The following DNM3 variants were observed in gnomAD, a reference collection of about 807,000 sequenced individuals.
DNM3 encodes dynamin 3.
In DNM3, 47 loss-of-function variants were observed where a neutral mutation model predicts 101.6. That is an observed-to-expected ratio of 0.46 (90% confidence interval 0.37 to 0.59). The LOEUF (loss-of-function observed/expected upper bound fraction) is 0.59. DNM3 is among the 20% of genes least tolerant of loss of function. DNM3 has a pLI of 0.00. For synonymous variants in DNM3, 385 were observed against 387.9 expected (o/e 0.99, Z 0.09); for missense variants, 849 against 1,085.7 (o/e 0.78, Z 3.06).
At chr1:172,351,284 G>A (rs1472204681) in intron 17 of DNM3, among the ~76,000 whole-genome samples, 3 of 152,096 alleles carry the variant, frequency 2.0e-5, no homozygotes, top group Non-Finnish European at 4.4e-5. Context: ...AGAAATTTTT[G>A]TGTTCCAGAG....
At chr1:171,978,825 G>T (rs997618126) in intron 2 of DNM3, among the ~76,000 whole-genome samples, 2 of 152,106 alleles carry the variant, frequency 1.3e-5, no homozygotes, top group African/African-American at 2.4e-5. Context: ...GAGAGCTGAG[G>T]AAAGGAAGCT....
At position 172,391,088 on chromosome 1, in the gene DNM3, G is replaced by A. The variant is rs1380105893; in HGVS notation, c.2522+2279G>A. On this transcript the variant is annotated intron_variant, in intron 20 of 20. Transcript: ENST00000627582. ...AATGAGTAGCCCGAGCTGGATGGCC[G>A]GCACATGGGCAGCAGGGCTTAATGA... Among the ~76,000 whole-genome samples, 4 of 152,158 alleles carry A rather than the reference G, an allele frequency of 2.6e-5. No homozygotes were observed. In the South Asian group the frequency reaches 6.2e-4, roughly 24 times the overall value.
At chr1:172,394,348 A>G (rs1052256) in intron 20 of DNM3, 19,183 of 152,286 alleles carry the variant, frequency 0.13, 1,553 homozygotes, top group Non-Finnish European at 0.18. Flanking sequence ...GCGTCAAGGT[A>G]GCCTTCAGAT....
chr1:171,930,926 A>G (rs901796981), intron 2 of DNM3, among the ~76,000 whole-genome samples: 5 of 152,218 alleles, frequency 3.3e-5, no homozygotes, highest in South Asian at 2.1e-4. Flanking sequence ...AAAATAATTC[A>G]GTTTATAATA....
At chr1:172,077,702 A>AT (rs2052778465) in intron 11 of DNM3, among the ~76,000 whole-genome samples, 1 of 152,048 alleles carries the variant, frequency 6.6e-6, no homozygotes, top group African/African-American at 2.4e-5. Context: ...GTTCTTTTGC[A>AT]TTTGCTGAGG....
At chr1:172,092,989 G>T (rs77415483) in intron 13 of DNM3, 114 bp downstream of exon 13, 17,259 of 950,022 alleles carry the variant, frequency 0.018, 735 homozygotes, top group East Asian at 0.14. Context: ...TGCTTGAAAT[G>T]CAGCTTTCAT....
intron 2 of DNM3, among the ~76,000 whole-genome samples, chr1:171,972,947 TG>T (rs2044119526): frequency 6.6e-6 from 1 of 152,190 alleles, no homozygotes; most frequent in Non-Finnish European, 1.5e-5. Flanking sequence ...CTCAATACCC[TG>T]AAGTTATTTG....
chr1:172,122,054 A>G (rs2056354896), intron 13 of DNM3, among the ~76,000 whole-genome samples: 1 of 152,300 alleles, frequency 6.6e-6, no homozygotes, highest in East Asian at 1.9e-4. Flanking sequence ...TGCTGTGTTC[A>G]TTATACATTA....
At chr1:171,957,081 T>C (rs2042909215) in intron 2 of DNM3, among the ~76,000 whole-genome samples, 1 of 152,210 alleles carries the variant, frequency 6.6e-6, no homozygotes, top group African/African-American at 2.4e-5. Flanking sequence ...AAATGCCCTG[T>C]AGGCATTTCC....
intron 20 of DNM3, chr1:172,418,148 T>A: frequency 3.1e-6 from 2 of 635,982 alleles, no homozygotes; most frequent in Non-Finnish European, 4.7e-6. Flanking sequence ...GTGTGTGATT[T>A]GAATTTGACT....
chr1:172,328,706 G>A (rs983039279), intron 17 of DNM3, among the ~76,000 whole-genome samples: 9 of 152,214 alleles, frequency 5.9e-5, no homozygotes, highest in African/African-American at 2.2e-4. Flanking sequence ...TATTACCTGG[G>A]TGATGAAATA....
At chr1:172,146,905 T>C (rs755509637) in intron 14 of DNM3, among the ~76,000 whole-genome samples, 2 of 152,150 alleles carry the variant, frequency 1.3e-5, no homozygotes, top group Non-Finnish European at 2.9e-5. Context: ...TGCCCTCAAA[T>C]GGTTCTACTA....
At chr1:171,865,921 T>C (rs2034700557) in intron 1 of DNM3, among the ~76,000 whole-genome samples, 1 of 152,212 alleles carries the variant, frequency 6.6e-6, no homozygotes, top group Non-Finnish European at 1.5e-5. Flanking sequence ...TAAATACTCA[T>C]ACTTTTACTA....
At chr1:172,254,684 G>C (rs1235417004) in intron 15 of DNM3, among the ~76,000 whole-genome samples, 1 of 152,034 alleles carries the variant, frequency 6.6e-6, no homozygotes, top group Non-Finnish European at 1.5e-5. Flanking sequence ...TGCTGTTCAT[G>C]TGCAGTATCA....
chr1:172,294,288 A>T lies in DNM3; in HGVS notation c.1770-14440A>T, dbSNP rs2064054351. 2.0e-5 allele frequency among the ~76,000 whole-genome samples: 3 copies of T among 152,240 alleles called. No homozygotes were observed. In the South Asian group the frequency reaches 6.2e-4, roughly 32 times the overall value. On this transcript the variant is annotated intron_variant, in intron 15 of 20. Coordinates refer to ENST00000627582, the MANE Select transcript of DNM3 (RefSeq NM_015569.5). Reference sequence around the variant, plus strand: ...CTGCTTGTTTTGGTTTATCCTTTTAAACTTGAATATCTTAGGTTTTCTATA... The same window carrying T: ...CTGCTTGTTTTGGTTTATCCTTTTATACTTGAATATCTTAGGTTTTCTATA...
intron 14 of DNM3, among the ~76,000 whole-genome samples, chr1:172,188,326 G>A (rs2059591406): frequency 6.6e-6 from 1 of 151,994 alleles, no homozygotes; most frequent in Admixed American, 6.6e-5. Context: ...TGGTTTTCCT[G>A]CTTCAGCCTC....
intron 14 of DNM3, among the ~76,000 whole-genome samples, chr1:172,202,639 C>T (rs114094099): frequency 0.02 from 3,120 of 152,200 alleles, 88 homozygotes; most frequent in African/African-American, 0.069. Context: ...ACATTTCAAC[C>T]AATGTTGACT....
chr1:172,114,562 T>A (rs2147970600), intron 13 of DNM3, among the ~76,000 whole-genome samples: 1 of 152,338 alleles, frequency 6.6e-6, no homozygotes, highest in Middle Eastern at 3.4e-3. Flanking sequence ...ATCTAATGAA[T>A]GAGATCCTTT....
At chr1:172,318,588 CAAT>C (rs2065519173) in intron 16 of DNM3, among the ~76,000 whole-genome samples, 3 of 152,042 alleles carry the variant, frequency 2.0e-5, no homozygotes, top group African/African-American at 7.3e-5. Flanking sequence ...TCTTATACAC[CAAT>C]AACAGACAAA....
Sources: allele counts gnomAD v4.1 joint callset (sites outside exome capture counted in the v4.1 genomes callset), GRCh38; gene constraint gnomAD v4.1.1; transcripts MANE v1.5; gene names NCBI Gene and HGNC (gene_info 2026-07-23, HGNC 2026-07-21).